CNBD1: variants seen among roughly 807,000 people sequenced by gnomAD.
The protein encoded by CNBD1 is cyclic nucleotide-binding domain-containing protein 1.
In CNBD1, 71 loss-of-function variants were observed where a neutral mutation model predicts 54.4. The ratio of observed to expected loss-of-function variants is 1.30; its 90% CI spans 1.08 to 1.59. CNBD1 has a LOEUF of 1.59. CNBD1 is among the 40% of genes most tolerant of loss of function. The pLI is 0.00. For missense variants in CNBD1, 659 were observed against 518.0 expected, an observed-to-expected ratio of 1.27 and a Z score of -2.64; for synonymous variants, 182 against 170.7, an observed-to-expected ratio of 1.07 and a Z score of -0.51.
rs573764803 is a variant in CNBD1, at chr8:87,329,091, A to T, written c.1043-22594A>T. On this transcript the variant is annotated intron_variant, in intron 8 of 10. Coordinates refer to ENST00000518476, the MANE Select transcript of CNBD1 (RefSeq NM_173538.3). ...TAGGTCTGTTATCTATTTTGAGTTAATTTTTGTGAAAAGTATATGGTCTTT... is the reference window on the plus strand; with the variant it reads ...TAGGTCTGTTATCTATTTTGAGTTATTTTTTGTGAAAAGTATATGGTCTTT... 3.3e-5 allele frequency among the ~76,000 whole-genome samples: 5 copies of T among 151,558 alleles called. No individual in the cohort carries two copies. The East Asian group carries it at 9.7e-4, about 29-fold the overall frequency.
At chr8:87,412,024 G>A (rs1246115719) in intron 2 of CNBD1, among the ~76,000 whole-genome samples, 2 of 151,888 alleles carry the variant, frequency 1.3e-5, no homozygotes, top group Non-Finnish European at 2.9e-5. Flanking sequence ...ATTCATTAGT[G>A]CTTTTGGGGC....
chr8:87,047,621 G>C (rs1035498598), intron 4 of CNBD1, among the ~76,000 whole-genome samples: 3 of 152,206 alleles, frequency 2.0e-5, no homozygotes, highest in African/African-American at 7.2e-5. Context: ...CTGTCTGTCT[G>C]CTTTTCCACT....
chr8:87,187,917 A>G (rs1246509864), intron 4 of CNBD1, among the ~76,000 whole-genome samples: 1 of 152,066 alleles, frequency 6.6e-6, no homozygotes, highest in African/African-American at 2.4e-5. Flanking sequence ...GGATGACTTT[A>G]TTTTTCCTAA....
chr8:87,306,178 A>T (rs746164538), intron 8 of CNBD1, among the ~76,000 whole-genome samples: 2 of 152,216 alleles, frequency 1.3e-5, no homozygotes, highest in Non-Finnish European at 2.9e-5. Flanking sequence ...ATGATAAAGG[A>T]AATGCAAATC....
intron 4 of CNBD1, among the ~76,000 whole-genome samples, chr8:87,131,274 T>C (rs1812113427): frequency 6.6e-6 from 1 of 152,146 alleles, no homozygotes; most frequent in Non-Finnish European, 1.5e-5. Context: ...TTTCTGACTT[T>C]TTTGAGTTAA....
At chr8:87,370,178 C>T (rs1810746495) in intron 10 of CNBD1, among the ~76,000 whole-genome samples, 2 of 151,698 alleles carry the variant, frequency 1.3e-5, no homozygotes, top group East Asian at 1.9e-4. Flanking sequence ...AATAGTGCCG[C>T]AATAAACATA....
At chr8:87,363,188 CT>C (rs1016510347) in intron 10 of CNBD1, among the ~76,000 whole-genome samples, 8 of 151,898 alleles carry the variant, frequency 5.3e-5, no homozygotes, top group Admixed American at 1.3e-4. Context: ...TGAACTCATC[CT>C]TTTTTTATGG....
chr8:87,265,052 A>G (rs551380982), intron 6 of CNBD1, among the ~76,000 whole-genome samples: 19 of 152,130 alleles, frequency 1.2e-4, no homozygotes, highest in Non-Finnish European at 2.5e-4. Flanking sequence ...TGCTTTTGGT[A>G]TCTTAGTCAT....
Position 87,347,788 on chromosome 8 carries a change from G to A in CNBD1, c.1043-3897G>A, listed in dbSNP as rs528791613. Among the ~76,000 whole-genome samples the A allele has an allele frequency of 9.9e-5, 15 of 152,252 alleles. No homozygotes were observed. The South Asian group carries it at 3.1e-3, about 32-fold the overall frequency. ...CTTACATTGCCTGCTGAGAAGGGGAGAAAGGGGTAAATGTGGGAGCAATAG... is the reference window on the plus strand; with the variant it reads ...CTTACATTGCCTGCTGAGAAGGGGAAAAAGGGGTAAATGTGGGAGCAATAG... On this transcript the variant is annotated intron_variant, in intron 8 of 10. Transcript: ENST00000518476.
chr8:87,406,526 C>T (rs1349980105), intron 2 of CNBD1, among the ~76,000 whole-genome samples: 1 of 144,672 alleles, frequency 6.9e-6, no homozygotes, highest in African/African-American at 2.6e-5. Context: ...GTCACCTAGG[C>T]TGGAGTTCAG....
At chr8:87,230,112 G>A (rs1166878841) in intron 5 of CNBD1, among the ~76,000 whole-genome samples, 3 of 152,176 alleles carry the variant, frequency 2.0e-5, no homozygotes, top group Non-Finnish European at 4.4e-5. Flanking sequence ...CTGAGAGCAG[G>A]AGGAACAGAG....
intron 10 of CNBD1, among the ~76,000 whole-genome samples, chr8:87,370,008 G>A (rs1209199097): frequency 2.0e-5 from 3 of 151,932 alleles, no homozygotes; most frequent in Non-Finnish European, 4.4e-5. Flanking sequence ...ATAGTTTACT[G>A]AGAATGATGA....
intron 4 of CNBD1, among the ~76,000 whole-genome samples, chr8:87,102,038 G>A (rs995122558): frequency 2.2e-4 from 34 of 151,878 alleles, no homozygotes; most frequent in African/African-American, 8.0e-4. Flanking sequence ...ATAGGCGCCC[G>A]CCACCATGTC....
intron 4 of CNBD1, among the ~76,000 whole-genome samples, chr8:87,202,450 T>C (rs1813883497): frequency 1.3e-5 from 2 of 152,192 alleles, no homozygotes; most frequent in South Asian, 4.1e-4. Context: ...TCAGAATAGC[T>C]GATAAAACAA....
At chr8:86,944,707 A>G (rs997787615) in intron 4 of CNBD1, among the ~76,000 whole-genome samples, 7 of 152,330 alleles carry the variant, frequency 4.6e-5, no homozygotes, top group Admixed American at 4.6e-4. Context: ...GTAGCCAGGG[A>G]CCAGATTATC....
At chr8:87,308,316 CA>C (rs935357608) in intron 8 of CNBD1, among the ~76,000 whole-genome samples, 1 of 151,772 alleles carries the variant, frequency 6.6e-6, no homozygotes, top group Non-Finnish European at 1.5e-5. Context: ...CAATTTTTAC[CA>C]AAAAAATCAT....
Position 87,364,885 on chromosome 8 carries a change from T to C in CNBD1, c.1303+11099T>C, listed in dbSNP as rs116001188. On this transcript the variant is annotated intron_variant, in intron 10 of 10. Transcript: ENST00000518476. ...TGTGTACCACAATTTCTTTATCCAG[T>C]CTATTGTAGATGGGCATTTAGGTTG... Among the ~76,000 whole-genome samples, 1,472 of 152,248 alleles carry C rather than the reference T, an allele frequency of 9.7e-3. 20 individuals carry two copies. The highest frequency in any genetic ancestry group is 0.033 in the African/African-American group (1,352 of 41,570).
intron 8 of CNBD1, among the ~76,000 whole-genome samples, chr8:87,300,133 A>C (rs1310833423): frequency 1.3e-5 from 2 of 152,204 alleles, no homozygotes; most frequent in Non-Finnish European, 2.9e-5. Flanking sequence ...CTTGCAGTTT[A>C]AAAAATATAA....
intron 4 of CNBD1, among the ~76,000 whole-genome samples, chr8:87,195,310 C>T (rs1813695264): frequency 6.6e-6 from 1 of 150,730 alleles, no homozygotes; most frequent in Admixed American, 6.6e-5. Flanking sequence ...CTGTCTGCAA[C>T]CTCCACCTCC....
Sources: gnomAD v4.1 joint callset for allele counts (sites outside exome capture counted in the v4.1 genomes callset) on GRCh38, gnomAD v4.1.1 for gene constraint, MANE v1.5 for transcripts, NCBI Gene and HGNC (gene_info 2026-07-23, HGNC 2026-07-21) for gene names.